ERGIC1: variants seen among roughly 807,000 people sequenced by gnomAD.
ERGIC1 encodes endoplasmic reticulum-Golgi intermediate compartment protein 1.
In ERGIC1, 19 loss-of-function variants were observed where a neutral mutation model predicts 38.3. The ratio of observed to expected loss-of-function variants is 0.50; its 90% CI spans 0.35 to 0.73. The LOEUF (loss-of-function observed/expected upper bound fraction) is 0.73, where lower values mean the gene tolerates loss of function less well. Ranked by LOEUF, ERGIC1 falls within the 30% of genes least tolerant of loss-of-function variation. The probability of loss-of-function intolerance (pLI) is 0.01; values close to 1 mark genes in which losing one functional copy is unlikely to be tolerated. For synonymous variants in ERGIC1, 124 were observed against 157.6 expected, an observed-to-expected ratio of 0.79 and a Z score of 1.60; for missense variants, 294 against 389.2, an observed-to-expected ratio of 0.76 and a Z score of 2.06.
rs747269726 is a variant in ERGIC1, at chr5:172,909,769, C to T, written c.250+8C>T. ...CCAATCTGCACTGCGAGTGTGAGTA[C>T]TCCACGCAGCCCCTCCCTCCAGCAG... is the stretch of plus-strand genomic sequence containing the variant. On this transcript the variant is annotated splice_region_variant and intron_variant, in intron 4 of 9. Coordinates refer to ENST00000393784, the MANE Select transcript of ERGIC1 (RefSeq NM_001031711.3). The T allele has an allele frequency of 1.9e-6, 3 of 1,612,698 alleles. No homozygotes were observed. The highest frequency in any genetic ancestry group is 2.5e-6 in the Non-Finnish European group (3 of 1,178,636).
chr5:172,899,889 C>T lies in ERGIC1; in HGVS notation c.155+2815C>T, dbSNP rs571543553. ...AGCTGAAAGCTAACTTAATATAGTG[C>T]GGCTATACTTTAATATCATAAGGTC... On this transcript the variant is annotated intron_variant, in intron 3 of 9. Transcript: ENST00000393784. 6.6e-5 allele frequency among the ~76,000 whole-genome samples: 10 copies of T among 152,272 alleles called. No homozygotes were observed. The South Asian group carries it at 8.3e-4, about 13-fold the overall frequency.
chr5:172,883,588 C>G (rs1450723830), intron 1 of ERGIC1, among the ~76,000 whole-genome samples: 1 of 152,146 alleles, frequency 6.6e-6, no homozygotes, highest in Non-Finnish European at 1.5e-5. Context: ...GGCAGGATCC[C>G]CCAGAAGTGG....
chr5:172,891,923 G>A (rs1762569629), intron 2 of ERGIC1, among the ~76,000 whole-genome samples: 1 of 152,162 alleles, frequency 6.6e-6, no homozygotes, highest in Non-Finnish European at 1.5e-5. Context: ...TGACCTACGG[G>A]GCCTGTGGCC....
intron 5 of ERGIC1, chr5:172,916,328 G>C (rs1269146039): frequency 6.6e-6 from 1 of 152,342 alleles, no homozygotes; most frequent in African/African-American, 2.4e-5. Flanking sequence ...GATGCTGGGG[G>C]TCGTGGTTCA....
intron 1 of ERGIC1, among the ~76,000 whole-genome samples, chr5:172,879,152 G>T (rs1419810310): frequency 2.0e-5 from 3 of 152,212 alleles, no homozygotes; most frequent in Non-Finnish European, 4.4e-5. Flanking sequence ...GAACAGGGGA[G>T]AACTAAGGTC....
At chr5:172,944,273 G>A (rs1764071089) in intron 9 of ERGIC1, among the ~76,000 whole-genome samples, 1 of 152,210 alleles carries the variant, frequency 6.6e-6, no homozygotes, top group Admixed American at 6.5e-5. Context: ...AGGCCTGGTT[G>A]GGAGATACAA....
At chr5:172,891,445 T>G (rs1358534512) in intron 2 of ERGIC1, among the ~76,000 whole-genome samples, 1 of 131,728 alleles carries the variant, frequency 7.6e-6, no homozygotes, top group Admixed American at 7.5e-5. Context: ...ATTTAGGCTG[T>G]TTTTTTTTTT....
intron 1 of ERGIC1, among the ~76,000 whole-genome samples, chr5:172,871,077 A>G (rs1351949116): frequency 6.6e-6 from 1 of 152,202 alleles, no homozygotes; most frequent in Non-Finnish European, 1.5e-5. Flanking sequence ...GTTGTTTGTG[A>G]ATGCAGTCCA....
At chr5:172,856,535 C>T (rs766157252) in intron 1 of ERGIC1, among the ~76,000 whole-genome samples, 5 of 152,076 alleles carry the variant, frequency 3.3e-5, no homozygotes, top group Non-Finnish European at 7.4e-5. Context: ...TGGGAAAGAG[C>T]GGGGGATACA....
At chr5:172,908,869 A>G (rs1581564215) in intron 3 of ERGIC1, among the ~76,000 whole-genome samples, 1 of 152,192 alleles carries the variant, frequency 6.6e-6, no homozygotes, top group East Asian at 1.9e-4. Flanking sequence ...GATGGGCATC[A>G]GGGAATTCCT....
At chr5:172,864,751 C>CT (rs371810418) in intron 1 of ERGIC1, among the ~76,000 whole-genome samples, 29 of 150,882 alleles carry the variant, frequency 1.9e-4, no homozygotes, top group Middle Eastern at 3.4e-3. Context: ...GTCCCCCCCC[C>CT]TTTTTTTTTG....
rs370249006 is a variant in ERGIC1 at position 172,874,762 on chromosome 5, C to CA, written c.21-13930dup. Among the ~76,000 whole-genome samples, 1,107 of 151,654 alleles carry CA rather than the reference C, an allele frequency of 7.3e-3. 12 individuals carry two copies. The highest frequency in any genetic ancestry group is 0.026 in the African/African-American group (1,065 of 41,288). On this transcript the variant is annotated intron_variant, in intron 1 of 9. Coordinates refer to ENST00000393784, the MANE Select transcript of ERGIC1 (RefSeq NM_001031711.3). Reference sequence around the variant, plus strand: ...GCAACATGGCAAAACCCCGTCTCTACAAAAAAATACAAAAATTAGCCAGGT... The same window carrying CA: ...GCAACATGGCAAAACCCCGTCTCTACAAAAAAAATACAAAAATTAGCCAGGT...
intron 1 of ERGIC1, among the ~76,000 whole-genome samples, chr5:172,844,575 T>A (rs1177677452): frequency 6.6e-6 from 1 of 152,178 alleles, no homozygotes. Context: ...CTGGTGGGCA[T>A]GGACTTGAGG....
chr5:172,924,214 A>G lies in ERGIC1; in HGVS notation c.480+105A>G, dbSNP rs896781755. ...TGGGCACTAGGAAGAGTTACCGTTA[A>G]GGTGACATCTAAGCCAAGCCTGGAA... On this transcript the variant is annotated intron_variant, in intron 6 of 9. Transcript: ENST00000393784. 5.5e-6 allele frequency: 6 copies of G among 1,094,546 alleles called. No homozygotes were observed. The African/African-American group carries it at 7.8e-5, about 14-fold the overall frequency. 67.8% of individuals were successfully genotyped at this position (1,094,546 alleles called of 1,614,324 possible). A position where few individuals can be genotyped will look rare whatever the true frequency, so the allele number is the denominator to read the frequency against.
At chr5:172,916,362 GC>G (rs1483385815) in intron 5 of ERGIC1, 1 of 152,258 alleles carries the variant, frequency 6.6e-6, no homozygotes, top group African/African-American at 2.4e-5. Flanking sequence ...CTGCCCATGA[GC>G]TGCCACACAG....
intron 2 of ERGIC1, among the ~76,000 whole-genome samples, chr5:172,891,421 G>A (rs1423659366): frequency 6.6e-6 from 1 of 151,446 alleles, no homozygotes; most frequent in Non-Finnish European, 1.5e-5. Flanking sequence ...TTTTTCTAGA[G>A]TTTTAAAAAA....
intron 9 of ERGIC1, among the ~76,000 whole-genome samples, chr5:172,942,029 C>T (rs984411203): frequency 4.6e-5 from 7 of 152,108 alleles, no homozygotes; most frequent in South Asian, 2.1e-4. Flanking sequence ...GGTGAAACCC[C>T]GTCTCTACTA....
chr5:172,910,956 A>G (rs546783249), intron 4 of ERGIC1, among the ~76,000 whole-genome samples: 3 of 152,300 alleles, frequency 2.0e-5, no homozygotes, highest in African/African-American at 7.2e-5. Flanking sequence ...CTCATCTGCA[A>G]AATGGGCTTA....
At chr5:172,869,648 A>G (rs908242856) in intron 1 of ERGIC1, among the ~76,000 whole-genome samples, 1 of 152,220 alleles carries the variant, frequency 6.6e-6, no homozygotes, top group Non-Finnish European at 1.5e-5. Flanking sequence ...TGTAAAAATC[A>G]AATTTTCTTA....
Sources: gnomAD v4.1 joint callset for allele counts (sites outside exome capture counted in the v4.1 genomes callset) on GRCh38, gnomAD v4.1.1 for gene constraint, MANE v1.5 for transcripts, NCBI Gene and HGNC (gene_info 2026-07-23, HGNC 2026-07-21) for gene names.